INPP4B: variants seen among roughly 807,000 people sequenced by gnomAD.
INPP4B encodes inositol polyphosphate-4-phosphatase type II B, also known as inositol polyphosphate 4-phosphatase type II.
Under a neutral mutation model 122.5 loss-of-function variants are expected in INPP4B, and 55 were observed. The ratio of observed to expected loss-of-function variants is 0.45; its 90% CI spans 0.36 to 0.56. The LOEUF is 0.56. Among genes scored for constraint, INPP4B ranks in the 20% least tolerant of loss-of-function variants. INPP4B has a pLI of 0.00. For synonymous variants in INPP4B, 403 were observed against 388.7 expected (o/e 1.04, Z -0.43); for missense variants, 1,000 against 1,097.7 (o/e 0.91, Z 1.26).
intron 18 of INPP4B, among the ~76,000 whole-genome samples, chr4:142,136,713 G>T (rs1038516003): frequency 6.6e-6 from 1 of 152,202 alleles, no homozygotes. Context: ...AAAGTGTCTT[G>T]AAGAGGCAGG....
At chr4:142,236,362 G>T (rs1191533452) in intron 12 of INPP4B, among the ~76,000 whole-genome samples, 1 of 152,030 alleles carries the variant, frequency 6.6e-6, no homozygotes. Flanking sequence ...TTTGTCTATT[G>T]CCTACATTAC....
At chr4:142,778,601 A>G (rs561010525) in intron 1 of INPP4B, among the ~76,000 whole-genome samples, 1 of 152,142 alleles carries the variant, frequency 6.6e-6, no homozygotes, top group African/African-American at 2.4e-5. Flanking sequence ...CGCTTCCATC[A>G]GTATCAGTGA....
intron 8 of INPP4B, among the ~76,000 whole-genome samples, chr4:142,313,021 A>T (rs1873359): frequency 1.3e-3 from 196 of 152,318 alleles, no homozygotes; most frequent in African/African-American, 4.5e-3. Flanking sequence ...AGGGCAGGAC[A>T]TGTGTGGGAC....
intron 3 of INPP4B, among the ~76,000 whole-genome samples, chr4:142,449,396 C>T (rs2149495290): frequency 6.6e-6 from 1 of 152,096 alleles, no homozygotes; most frequent in East Asian, 1.9e-4. Flanking sequence ...ACACTCTAGA[C>T]TTACCACATT....
chr4:142,023,900 T>C lies in INPP4B; in HGVS notation c.*4882A>G, dbSNP rs1736227988. On this transcript the variant is annotated 3_prime_UTR_variant, in exon 26 of 26. Coordinates refer to ENST00000262992, the MANE Select transcript of INPP4B (RefSeq NM_001101669.3). ...AAAAATTTAAAATTCTAAGTATGCA[T>C]GCAATCTGTAAAAATTCCAATTTAG... The C allele has an allele frequency of 1.3e-5, 2 of 152,184 alleles. No homozygotes were observed. Among genetic ancestry groups the C allele is most frequent in the South Asian group, 4.1e-4 (2 of 4,834 alleles). 9.4% of individuals were successfully genotyped at this position (152,184 alleles called of 1,614,324 possible).
At chr4:142,240,825 A>C (rs899379430) in intron 11 of INPP4B, among the ~76,000 whole-genome samples, 1 of 152,152 alleles carries the variant, frequency 6.6e-6, no homozygotes, top group Admixed American at 6.6e-5. Context: ...AACTTTAAAT[A>C]CCATGCAGAT....
chr4:142,813,750 A>G (rs1375378534), intron 1 of INPP4B, among the ~76,000 whole-genome samples: 2 of 152,194 alleles, frequency 1.3e-5, no homozygotes, highest in Non-Finnish European at 2.9e-5. Context: ...TTGGGGCCTT[A>G]TATCCTAGGA....
At chr4:142,761,546 A>G (rs1561040156) in intron 1 of INPP4B, among the ~76,000 whole-genome samples, 1 of 152,190 alleles carries the variant, frequency 6.6e-6, no homozygotes, top group Non-Finnish European at 1.5e-5. Context: ...GAATTTTATA[A>G]AAAGAGTGTT....
chr4:142,452,312 A>T (rs1814463157), intron 3 of INPP4B, among the ~76,000 whole-genome samples: 1 of 152,162 alleles, frequency 6.6e-6, no homozygotes, highest in South Asian at 2.1e-4. Context: ...TCCAACAGTG[A>T]CCCGATGTCC....
intron 2 of INPP4B, among the ~76,000 whole-genome samples, chr4:142,598,963 C>A (rs1353892400): frequency 6.6e-6 from 1 of 152,182 alleles, no homozygotes; most frequent in Non-Finnish European, 1.5e-5. Flanking sequence ...CTCAGGCTTG[C>A]ATGTGAAAGG....
At chr4:142,728,162 T>C (rs1246934345) in intron 1 of INPP4B, among the ~76,000 whole-genome samples, 1 of 152,178 alleles carries the variant, frequency 6.6e-6, no homozygotes, top group Non-Finnish European at 1.5e-5. Flanking sequence ...GAAACATTAG[T>C]AACAGCACTG....
chr4:142,551,653 T>C (rs573262181), intron 2 of INPP4B, among the ~76,000 whole-genome samples: 25 of 152,310 alleles, frequency 1.6e-4, no homozygotes, highest in Admixed American at 1.4e-3. Context: ...AAGTGTTGAG[T>C]TCTGTTCTGT....
chr4:142,625,908 G>T (rs1339744046), intron 2 of INPP4B, among the ~76,000 whole-genome samples: 1 of 152,190 alleles, frequency 6.6e-6, no homozygotes, highest in East Asian at 1.9e-4. Flanking sequence ...AATAAATGGT[G>T]CTGGGAGAAC....
intron 1 of INPP4B, among the ~76,000 whole-genome samples, chr4:142,736,728 ATC>A (rs1273320524): frequency 1.3e-5 from 2 of 152,192 alleles, no homozygotes; most frequent in Non-Finnish European, 2.9e-5. Flanking sequence ...TAGATATACA[ATC>A]ATGTCATCTG....
intron 18 of INPP4B, among the ~76,000 whole-genome samples, chr4:142,127,008 T>G (rs1158043993): frequency 2.0e-5 from 3 of 152,198 alleles, no homozygotes; most frequent in Admixed American, 1.3e-4. Flanking sequence ...GCTTTTGTTC[T>G]GTGCTTAGCT....
chr4:142,177,106 G>C (rs1169066623), intron 15 of INPP4B, among the ~76,000 whole-genome samples: 2 of 151,916 alleles, frequency 1.3e-5, no homozygotes, highest in African/African-American at 4.8e-5. Flanking sequence ...TCCTAATTCA[G>C]TCTCCTTTGG....
chr4:142,383,207 C>T (rs903352114), intron 7 of INPP4B, among the ~76,000 whole-genome samples: 2 of 152,000 alleles, frequency 1.3e-5, no homozygotes, highest in African/African-American at 2.4e-5. Flanking sequence ...ATAATCTTTG[C>T]ACCTATGCTT....
At chr4:142,391,277 G>A (rs1473052038) in intron 7 of INPP4B, among the ~76,000 whole-genome samples, 1 of 152,192 alleles carries the variant, frequency 6.6e-6, no homozygotes, top group Non-Finnish European at 1.5e-5. Flanking sequence ...CATGGACTCG[G>A]CTGGGCATGG....
chr4:142,625,556 C>T (rs1397031442), intron 2 of INPP4B, among the ~76,000 whole-genome samples: 2 of 152,116 alleles, frequency 1.3e-5, no homozygotes, highest in African/African-American at 2.4e-5. Flanking sequence ...GGCCATACTG[C>T]CCAAGGTAAT....
Sources: allele counts gnomAD v4.1 joint callset (sites outside exome capture counted in the v4.1 genomes callset), GRCh38; gene constraint gnomAD v4.1.1; transcripts MANE v1.5; gene names NCBI Gene and HGNC (gene_info 2026-07-23, HGNC 2026-07-21).